Variants in ZBTB7C observed in about 807,000 individuals in gnomAD.
ZBTB7C encodes the protein zinc finger and BTB domain containing 7C, also known as zinc finger and BTB domain-containing protein 7C.
Under a neutral mutation model 25.7 loss-of-function variants are expected in ZBTB7C, and 8 were observed. The ratio of observed to expected loss-of-function variants is 0.31; its 90% confidence interval spans 0.18 to 0.56. The LOEUF (loss-of-function observed/expected upper bound fraction) is 0.56, where lower values mean the gene tolerates loss of function less well. Among genes scored for constraint, ZBTB7C ranks in the 20% least tolerant of loss-of-function variants. ZBTB7C has a pLI of 0.91. For missense variants in ZBTB7C, 824 were observed against 855.2 expected (o/e 0.96, Z 0.46); for synonymous variants, 394 against 369.0 (o/e 1.07, Z -0.78).
intron 1 of ZBTB7C, among the ~76,000 whole-genome samples, chr18:48,345,709 G>T (rs2046714001): frequency 6.6e-6 from 1 of 152,048 alleles, no homozygotes; most frequent in South Asian, 2.1e-4. Flanking sequence ...GGCTGGAGAG[G>T]GTCCCAGCCC....
At chr18:48,153,369 T>G (rs539925275) in intron 3 of ZBTB7C, among the ~76,000 whole-genome samples, 2 of 152,164 alleles carry the variant, frequency 1.3e-5, no homozygotes, top group Non-Finnish European at 2.9e-5. Context: ...GGTCAGCTAA[T>G]AGAGGGAGAG....
intron 3 of ZBTB7C, among the ~76,000 whole-genome samples, chr18:48,114,678 G>A (rs2039363904): frequency 6.6e-6 from 1 of 151,994 alleles, no homozygotes; most frequent in African/African-American, 2.4e-5. Context: ...CAATATTACT[G>A]ACCCCAAAAA....
At chr18:48,185,340 T>C (rs1429704218) in intron 3 of ZBTB7C, 3 of 449,560 alleles carry the variant, frequency 6.7e-6, no homozygotes, top group Non-Finnish European at 1.3e-5. Flanking sequence ...ATAAAGTTCT[T>C]TGTCTCATAT....
intron 3 of ZBTB7C, chr18:48,162,285 G>A (rs367738820): frequency 1.6e-5 from 7 of 445,506 alleles, no homozygotes; most frequent in Non-Finnish European, 3.2e-5. Flanking sequence ...GGAGGATCCA[G>A]CAACAGTGGA....
intron 2 of ZBTB7C, among the ~76,000 whole-genome samples, chr18:48,335,819 A>G (rs1457004050): frequency 6.6e-6 from 1 of 152,242 alleles, no homozygotes; most frequent in Non-Finnish European, 1.5e-5. Flanking sequence ...ACATGTTAAA[A>G]TAATATGTTA....
intron 2 of ZBTB7C, among the ~76,000 whole-genome samples, chr18:48,209,423 C>T (rs1241392248): frequency 2.0e-5 from 3 of 152,200 alleles, no homozygotes; most frequent in African/African-American, 7.2e-5. Context: ...GCTAGGAAGA[C>T]ACAAAGTTAC....
At chr18:48,293,691 A>G (rs923889051) in intron 2 of ZBTB7C, among the ~76,000 whole-genome samples, 2 of 152,186 alleles carry the variant, frequency 1.3e-5, no homozygotes, top group Non-Finnish European at 2.9e-5. Flanking sequence ...GGGTAAGAGA[A>G]TCCTCTCCCC....
chr18:48,066,801 T>C (rs1598813756), intron 3 of ZBTB7C, among the ~76,000 whole-genome samples: 1 of 152,280 alleles, frequency 6.6e-6, no homozygotes, highest in Non-Finnish European at 1.5e-5. Flanking sequence ...TTAGGAGTCT[T>C]GGGTTTAAGA....
intron 3 of ZBTB7C, among the ~76,000 whole-genome samples, chr18:48,164,874 C>T (rs973211528): frequency 9.9e-5 from 15 of 152,104 alleles, no homozygotes; most frequent in African/African-American, 3.6e-4. Flanking sequence ...GAGCCCCCAC[C>T]CCCTACATCC....
At chr18:48,201,627 T>C (rs949336272) in intron 2 of ZBTB7C, among the ~76,000 whole-genome samples, 2 of 152,192 alleles carry the variant, frequency 1.3e-5, no homozygotes, top group African/African-American at 4.8e-5. Flanking sequence ...TCCCTCCATC[T>C]TTCCAGAGCC....
intron 2 of ZBTB7C, among the ~76,000 whole-genome samples, chr18:48,256,207 G>A (rs1023910013): frequency 6.6e-6 from 1 of 151,958 alleles, no homozygotes; most frequent in Non-Finnish European, 1.5e-5. Context: ...GGTATACCAA[G>A]ACATGTCATA....
intron 3 of ZBTB7C, among the ~76,000 whole-genome samples, chr18:48,143,904 GA>G (rs1221183414): frequency 6.6e-6 from 1 of 152,140 alleles, no homozygotes; most frequent in African/African-American, 2.4e-5. Flanking sequence ...GCTGAACCCG[GA>G]TCCCTCTCCC....
chr18:48,343,520 C>T (rs2046653287), intron 1 of ZBTB7C, among the ~76,000 whole-genome samples: 1 of 152,196 alleles, frequency 6.6e-6, no homozygotes, highest in African/African-American at 2.4e-5. Flanking sequence ...ATTTAGCCCA[C>T]ACTCTGGAGG....
At chr18:48,218,742 G>A (rs753303138) in intron 2 of ZBTB7C, among the ~76,000 whole-genome samples, 2 of 152,168 alleles carry the variant, frequency 1.3e-5, no homozygotes, top group African/African-American at 2.4e-5. Context: ...CACCACTGCC[G>A]ACTATGGCTG....
chr18:48,303,833 A>C (rs1344589556), intron 2 of ZBTB7C, among the ~76,000 whole-genome samples: 3 of 152,342 alleles, frequency 2.0e-5, no homozygotes, highest in Admixed American at 2.0e-4. Flanking sequence ...AACCAAAAAT[A>C]AACTTATCTC....
In ZBTB7C at chr18:48,029,316, G is replaced by T; in HGVS notation, c.1804C>A (p.Leu602Ile). 10 of 1,536,492 alleles carry T rather than the reference G, an allele frequency of 6.5e-6. No individual in the cohort carries two copies. Among genetic ancestry groups the T allele is most frequent in the Middle Eastern group, 1.8e-4 (1 of 5,680 alleles). The stretch of plus-strand genomic sequence containing the variant: ...TGGTTGAGGCCGGCGAGCCCAGGGA[G>T]GCCGGCCAGGCCGGCGGCCCAAGGG... ...PDPWAAGLAG[L>I]PGLAGLNHVA... Residue 602 changes from leucine to isoleucine, a missense_variant, in exon 5 of 5, where the codon CTC becomes ATC. This residue lies in a region of ZBTB7C where 342 missense variants were observed against 307.0 expected (regional missense o/e 1.11). Coordinates refer to ENST00000590800, the MANE Select transcript of ZBTB7C (RefSeq NM_001318841.2).
At chr18:48,336,886 A>C (rs2046469736) in intron 2 of ZBTB7C, among the ~76,000 whole-genome samples, 1 of 152,090 alleles carries the variant, frequency 6.6e-6, no homozygotes, top group Non-Finnish European at 1.5e-5. Context: ...GGGCCAGTAC[A>C]TACAGGTCAT....
At chr18:48,384,793 C>T (rs558984103) in intron 1 of ZBTB7C, among the ~76,000 whole-genome samples, 111 of 152,176 alleles carry the variant, frequency 7.3e-4, no homozygotes, top group Non-Finnish European at 9.7e-4. Flanking sequence ...GCAATTCTCA[C>T]GCCTCAGCCT....
At chr18:48,315,575 C>T (rs1053276423) in intron 2 of ZBTB7C, among the ~76,000 whole-genome samples, 2 of 152,138 alleles carry the variant, frequency 1.3e-5, no homozygotes, top group Admixed American at 6.5e-5. Flanking sequence ...CACATTGGGC[C>T]TCAGTTTCCT....
Sources: gnomAD v4.1 joint callset for allele counts (sites outside exome capture counted in the v4.1 genomes callset) on GRCh38, gnomAD v4.1.1 for gene constraint, gnomAD v4.1.1 regional missense constraint, MANE v1.5 for transcripts, NCBI Gene and HGNC (gene_info 2026-07-23, HGNC 2026-07-21) for gene names.